ITGAV: variants seen among roughly 807,000 people sequenced by gnomAD.
ITGAV encodes integrin subunit alpha V.
In ITGAV, 76 loss-of-function variants were observed where a neutral mutation model predicts 143.8. That is an observed-to-expected ratio of 0.53 (90% CI 0.44 to 0.64). ITGAV has a LOEUF of 0.64. ITGAV is among the 30% of genes least tolerant of loss of function. The pLI is 0.00. For missense variants in ITGAV, 1,193 were observed against 1,274.7 expected, an observed-to-expected ratio of 0.94 and a Z score of 0.98; for synonymous variants, 453 against 446.7, an observed-to-expected ratio of 1.01 and a Z score of -0.18.
chr2:186,595,336 C>T (rs1574456413), intron 1 of ITGAV, among the ~76,000 whole-genome samples: 2 of 152,242 alleles, frequency 1.3e-5, no homozygotes, highest in African/African-American at 2.4e-5. Context: ...GCAGGTTGCC[C>T]CTCCTTGGTT....
intron 12 of ITGAV, among the ~76,000 whole-genome samples, chr2:186,642,347 T>A (rs1213240914): frequency 6.6e-6 from 1 of 151,292 alleles, no homozygotes; most frequent in Non-Finnish European, 1.5e-5. Flanking sequence ...AGGAAAGGTA[T>A]ACATTAAGAA....
At position 186,675,645 on chromosome 2, in the gene ITGAV, T is replaced by C; in HGVS notation, c.2748T>C (p.Val916=). Residue 916 remains valine, a synonymous_variant, in exon 27 of 30, where the codon GTT becomes GTC. Coordinates refer to ENST00000261023, the MANE Select transcript of ITGAV (RefSeq NM_002210.5). The part of the protein sequence containing the change: ...VAQCLKIVCQ[V]GRLDRGKSAI... ...AGTGCTTGAAGATTGTCTGCCAAGTTGGGAGATTAGACAGAGGAAAGAGTG... is the reference window on the plus strand; with the variant it reads ...AGTGCTTGAAGATTGTCTGCCAAGTCGGGAGATTAGACAGAGGAAAGAGTG... The C allele has an allele frequency of 6.2e-7, 1 of 1,614,090 alleles. No homozygotes were observed. Among genetic ancestry groups the C allele is most frequent in the Non-Finnish European group, 8.5e-7 (1 of 1,179,984 alleles).
chr2:186,594,448 T>G (rs1686694185), intron 1 of ITGAV, among the ~76,000 whole-genome samples: 1 of 152,214 alleles, frequency 6.6e-6, no homozygotes, highest in African/African-American at 2.4e-5. Flanking sequence ...AAGGTTTTCT[T>G]GATTCCATCT....
chr2:186,600,145 A>G (rs1686858207), intron 1 of ITGAV: 1 of 523,966 alleles, frequency 1.9e-6, no homozygotes, highest in Non-Finnish European at 3.4e-6. Flanking sequence ...AGTTATTGCC[A>G]GGCTCCTTGA....
Position 186,649,830 on chromosome 2 carries a change from C to T in ITGAV, c.1352-10C>T, listed in dbSNP as rs2105723796. ...ATCATTATTAACATGTTTTTCCACT[C>T]TTTCTTAAGACTTAATTGTAGGAGC... On this transcript the variant is annotated splice_polypyrimidine_tract_variant and intron_variant, in intron 13 of 29. Coordinates refer to ENST00000261023, the MANE Select transcript of ITGAV (RefSeq NM_002210.5). 6.4e-7 allele frequency: 1 copy of T among 1,570,572 alleles called. No homozygotes were observed.
intron 26 of ITGAV, among the ~76,000 whole-genome samples, chr2:186,671,272 A>G (rs898101315): frequency 3.9e-5 from 6 of 152,098 alleles, no homozygotes; most frequent in Non-Finnish European, 7.3e-5. Flanking sequence ...AGAGGCTACA[A>G]TGACCTTTAA....
At chr2:186,603,133 T>TTA (rs998521985) in intron 2 of ITGAV, among the ~76,000 whole-genome samples, 2 of 152,138 alleles carry the variant, frequency 1.3e-5, no homozygotes, top group Non-Finnish European at 2.9e-5. Context: ...ATTGGTATAT[T>TTA]TATATATATT....
rs79048772 is a variant in ITGAV, at chr2:186,643,770, A to G, written c.1159+2182A>G. 8.2e-3 allele frequency among the ~76,000 whole-genome samples: 1,243 copies of G among 152,326 alleles called. 16 individuals are homozygous for G. Among genetic ancestry groups the G allele is most frequent in the African/African-American group, 0.028 (1,155 of 41,578 alleles). On this transcript the variant is annotated intron_variant, in intron 12 of 29. Transcript: ENST00000261023. ...AGCATCTAAAATGATCAAAGGAAGA[A>G]ATCAATTGCATGAATGTGTAGGATT...
At chr2:186,633,897 G>A (rs894821867) in intron 6 of ITGAV, among the ~76,000 whole-genome samples, 5 of 152,078 alleles carry the variant, frequency 3.3e-5, no homozygotes, top group East Asian at 1.9e-4. Flanking sequence ...GCATGGTGGC[G>A]TGGGCCTGTA....
intron 2 of ITGAV, among the ~76,000 whole-genome samples, chr2:186,603,194 C>G (rs1686962416): frequency 6.6e-6 from 1 of 152,138 alleles, no homozygotes; most frequent in African/African-American, 2.4e-5. Context: ...TCTTCTAGTA[C>G]AATAGTCTTA....
chr2:186,619,675 A>C (rs1022419406), intron 2 of ITGAV, among the ~76,000 whole-genome samples: 1 of 152,158 alleles, frequency 6.6e-6, no homozygotes, highest in Non-Finnish European at 1.5e-5. Context: ...AATATGTAAA[A>C]TTATTATATT....
Position 186,629,572 on chromosome 2 carries a change from CA to C in ITGAV, c.524-1213del, listed in dbSNP as rs879770762. Among the ~76,000 whole-genome samples the C allele has an allele frequency of 1.0e-3, 142 of 135,442 alleles. 1 individual carries two copies. Among genetic ancestry groups the C allele is most frequent in the Middle Eastern group, 3.7e-3 (1 of 268 alleles). The allele number at this position is 135,442 out of a possible 152,430, so 88.9% of individuals were successfully genotyped here. On this transcript the variant is annotated intron_variant, in intron 4 of 29. Transcript: ENST00000261023. The stretch of plus-strand genomic sequence containing the variant: ...TTATACTCTTGAGGCTATTTTCTTT[CA>C]AAAAAAAAAAACTTTAAAAAAATTT...
chr2:186,668,653 C>A (rs1688980644), intron 24 of ITGAV, 109 bp from the exon 25 acceptor site: 1 of 899,276 alleles, frequency 1.1e-6, no homozygotes, highest in Non-Finnish European at 1.8e-6. Context: ...GTGGAAATTG[C>A]TGTTATTTAA....
intron 15 of ITGAV, among the ~76,000 whole-genome samples, chr2:186,652,400 G>A (rs1364926294): frequency 6.6e-6 from 1 of 152,008 alleles, no homozygotes; most frequent in African/African-American, 2.4e-5. Context: ...ATATTGCTCA[G>A]GTTGGTCTCG....
chr2:186,648,974 ATATATATACATTTGTG>A (rs1688344014), intron 13 of ITGAV, among the ~76,000 whole-genome samples: 2 of 143,128 alleles, frequency 1.4e-5, no homozygotes, highest in African/African-American at 5.1e-5. Flanking sequence ...ATACATTTGT[ATATATATACATTTGTG>A]TGTATATATA....
chr2:186,597,849 C>T (rs1482048967), intron 1 of ITGAV, among the ~76,000 whole-genome samples: 1 of 152,162 alleles, frequency 6.6e-6, no homozygotes, highest in Non-Finnish European at 1.5e-5. Flanking sequence ...TTATGAGAAC[C>T]TAATACCTGG....
intron 3 of ITGAV, among the ~76,000 whole-genome samples, chr2:186,623,888 A>G (rs1255735023): frequency 6.6e-6 from 1 of 152,056 alleles, no homozygotes; most frequent in Non-Finnish European, 1.5e-5. Flanking sequence ...CCCTTGGACC[A>G]CTGCAACGGC....
chr2:186,600,309 C>A lies in ITGAV; in HGVS notation c.186-1712C>A, dbSNP rs1054767280. 1.6e-5 allele frequency: 25 copies of A among 1,538,462 alleles called. No homozygotes were observed. In the African/African-American group the frequency reaches 2.1e-4, roughly 13 times the overall value. On this transcript the variant is annotated intron_variant, in intron 1 of 29. Coordinates refer to ENST00000261023, the MANE Select transcript of ITGAV (RefSeq NM_002210.5). The stretch of plus-strand genomic sequence containing the variant: ...TTCCACTTCCCTCATCCCCACCCCC[C>A]ACTCCCCTCCATCCTCAATACACAA...
Position 186,663,912 on chromosome 2 carries a change from T to C in ITGAV, c.1925+77T>C, listed in dbSNP as rs903870637. On this transcript the variant is annotated intron_variant, in intron 19 of 29. Transcript: ENST00000261023. ...CATTTTTCTATTCAAAGGACTAACA[T>C]ATTTTAACGAGAATTAGTTATCCTG... The C allele has an allele frequency of 6.4e-6, 6 of 937,610 alleles. No individual in the cohort carries two copies. In the African/African-American group the frequency reaches 8.2e-5, roughly 13 times the overall value. 58.1% of individuals were successfully genotyped at this position (937,610 alleles called of 1,614,324 possible).
Sources: gnomAD v4.1 joint callset for allele counts (sites outside exome capture counted in the v4.1 genomes callset) on GRCh38, gnomAD v4.1.1 for gene constraint, MANE v1.5 for transcripts, NCBI Gene and HGNC (gene_info 2026-07-23, HGNC 2026-07-21) for gene names.